MUCL1: variants seen among roughly 807,000 people sequenced by gnomAD.
MUCL1 encodes the protein mucin-like protein 1.
A neutral mutation model predicts 9.2 loss-of-function variants in MUCL1; 11 were observed. The ratio of observed to expected loss-of-function variants is 1.19; its 90% CI spans 0.75 to 1.97. The LOEUF is 1.97. MUCL1 is among the 30% of genes most tolerant of loss of function. MUCL1 has a pLI of 0.00. For synonymous variants in MUCL1, 48 were observed against 40.5 expected (o/e 1.19, Z -0.71); for missense variants, 144 against 110.9 (o/e 1.30, Z -1.34).
At chr12:54,851,449 A>T (rs1210377649), upstream of MUCL1, among the ~76,000 whole-genome samples, 1 of 152,198 alleles carries the variant, frequency 6.6e-6, no homozygotes, top group Non-Finnish European at 1.5e-5. Flanking sequence ...CCTTTGACAA[A>T]ATTCAACAAC....
intron 3 of MUCL1, among the ~76,000 whole-genome samples, 188 bp from the exon 4 acceptor site, chr12:54,858,005 A>G (rs1381749572): frequency 2.0e-5 from 3 of 152,170 alleles, no homozygotes; most frequent in Non-Finnish European, 2.9e-5. Flanking sequence ...GTCTAAGGCT[A>G]TATTTCCAAA....
chr12:54,846,913 G>A (rs1472718270), intron 1 of MUCL1, among the ~76,000 whole-genome samples: 1 of 152,066 alleles, frequency 6.6e-6, no homozygotes, highest in African/African-American at 2.4e-5. Flanking sequence ...GATCTTCCAG[G>A]CAATAAAACA....
chr12:54,845,651 C>A (rs544106075), intron 1 of MUCL1, among the ~76,000 whole-genome samples: 1 of 152,044 alleles, frequency 6.6e-6, no homozygotes, highest in Non-Finnish European at 1.5e-5. Context: ...GGTTATGTGA[C>A]CTGCAACTTG....
At chr12:54,833,479 T>A (rs1233484760) in intron 1 of MUCL1, among the ~76,000 whole-genome samples, 1 of 152,168 alleles carries the variant, frequency 6.6e-6, no homozygotes, top group East Asian at 1.9e-4. Flanking sequence ...CTAATTGTTT[T>A]AATTTTTTTC....
Position 54,854,628 on chromosome 12 carries a change from C to T in MUCL1, c.46C>T (p.Leu16=), listed in dbSNP as rs201867480. ...VLVLLGVSIF[L]VSAQNPTTAA... is the part of the protein sequence containing the mutation. ...GGTACTCTTGGGAGTTTCCATCTTT[C>T]TGGTCTCTGCCCGTAAGTAAAGATT... Residue 16 remains leucine, a synonymous_variant, in exon 1 of 4, where the codon CTG becomes TTG. Transcript: ENST00000308796. 1.8e-4 allele frequency: 297 copies of T among 1,613,244 alleles called. No homozygotes were observed. The highest frequency in any genetic ancestry group is 2.4e-4 in the Non-Finnish European group (283 of 1,179,432).
At chr12:54,842,871 G>A (rs995153257) in intron 1 of MUCL1, among the ~76,000 whole-genome samples, 1 of 151,940 alleles carries the variant, frequency 6.6e-6, no homozygotes, top group Non-Finnish European at 1.5e-5. Context: ...CAGTGCTTTG[G>A]TCAGCAACAG....
At chr12:54,837,235 G>C (rs1959194239), upstream of MUCL1, among the ~76,000 whole-genome samples, 1 of 152,098 alleles carries the variant, frequency 6.6e-6, no homozygotes, top group Non-Finnish European at 1.5e-5. Flanking sequence ...AGGTTTAGTA[G>C]TAATTGTTTT....
At chr12:54,833,368 A>G (rs1407377291) in intron 1 of MUCL1, among the ~76,000 whole-genome samples, 2 of 152,070 alleles carry the variant, frequency 1.3e-5, no homozygotes, top group African/African-American at 2.4e-5. Context: ...AGTTTTTTGT[A>G]TAGATGAGAT....
In MUCL1 at chr12:54,854,518, C is replaced by A; in HGVS notation, c.-65C>A. 7.6e-7 allele frequency: 1 copy of A among 1,320,836 alleles called. No individual in the cohort carries two copies. The highest frequency in any genetic ancestry group is 2.3e-5 in the East Asian group (1 of 43,112). The allele number at this position is 1,320,836 out of a possible 1,614,324, so 81.8% of individuals were successfully genotyped here. On this transcript the variant is annotated 5_prime_UTR_variant, in exon 1 of 4. Transcript: ENST00000308796. ...TCAGGATGTGGAATCCTGAAGTCAG[C>A]GCCTTGCCTTCTCTTAGGCTTTGAA...
chr12:54,856,680 A>G, intron 2 of MUCL1, 90 bp from the exon 3 acceptor site: 1 of 1,498,330 alleles, frequency 6.7e-7, no homozygotes. Flanking sequence ...AGATGAATTC[A>G]GGATGAGGAA....
chr12:54,852,815 A>G (rs1301819840), upstream of MUCL1, among the ~76,000 whole-genome samples: 1 of 152,126 alleles, frequency 6.6e-6, no homozygotes, highest in Non-Finnish European at 1.5e-5. Context: ...ATCAGATAGT[A>G]TCTGTCTTTT....
intron 2 of MUCL1, among the ~76,000 whole-genome samples, 154 bp from the exon 3 acceptor site, chr12:54,856,616 A>G (rs997291410): frequency 2.0e-5 from 3 of 152,216 alleles, no homozygotes; most frequent in Non-Finnish European, 2.9e-5. Flanking sequence ...ATGAAGCACA[A>G]GGAAAGTAGG....
Position 54,856,787 on chromosome 12 carries a change from GA to G in MUCL1, c.120del (p.Ala41ProfsTer56), listed in dbSNP as rs1273357948. The G allele has an allele frequency of 3.7e-6, 6 of 1,612,714 alleles. No homozygotes were observed. The Admixed American group carries it at 1.0e-4, about 27-fold the overall frequency. On this transcript the variant is annotated frameshift_variant, in exon 3 of 4. Transcript: ENST00000308796. LOFTEE classifies it high-confidence loss of function. The stretch of plus-strand genomic sequence containing the variant: ...AATTTCAGCTGGTCCTGCTGATGAT[GA>G]AGCCCCTGATGCTGAAACCACTGCT... ...TYPATGPADD[E>X]APDAETTAAA...
chr12:54,845,759 C>G, intron 1 of MUCL1, among the ~76,000 whole-genome samples: 1 of 152,104 alleles, frequency 6.6e-6, no homozygotes, highest in East Asian at 1.9e-4. Flanking sequence ...AATTTCTGTA[C>G]TGCTAAATAT....
chr12:54,845,864 C>T (rs563204989), intron 1 of MUCL1, among the ~76,000 whole-genome samples: 1 of 152,136 alleles, frequency 6.6e-6, no homozygotes, highest in Non-Finnish European at 1.5e-5. Flanking sequence ...TCTTTCTCCT[C>T]TAAAAGTGTT....
chr12:54,855,033 G>A, intron 1 of MUCL1, 83 bp from the exon 2 acceptor site: 1 of 1,193,764 alleles, frequency 8.4e-7, no homozygotes, highest in Non-Finnish European at 1.2e-6. Context: ...GTAAAGTCTG[G>A]AATATTGTCC....
upstream of MUCL1, among the ~76,000 whole-genome samples, chr12:54,849,717 C>G (rs1036245696): frequency 6.6e-5 from 10 of 151,966 alleles, no homozygotes; most frequent in Admixed American, 6.6e-4. Context: ...ATATATAATG[C>G]TGTTCATTTT....
At chr12:54,851,783 C>G (rs1011481517), upstream of MUCL1, among the ~76,000 whole-genome samples, 28 of 152,274 alleles carry the variant, frequency 1.8e-4, no homozygotes, top group African/African-American at 6.7e-4. Context: ...CCCAAATCTC[C>G]TTAAGCTGAT....
chr12:54,835,448 T>C (rs897213310), upstream of MUCL1, among the ~76,000 whole-genome samples: 8 of 152,140 alleles, frequency 5.3e-5, no homozygotes, highest in African/African-American at 1.7e-4. Context: ...ATAATGGCCA[T>C]TTTGGCTGGG....
Sources: gnomAD v4.1 joint callset for allele counts (sites outside exome capture counted in the v4.1 genomes callset) on GRCh38, gnomAD v4.1.1 for gene constraint, MANE v1.5 for transcripts, NCBI Gene and HGNC (gene_info 2026-07-23, HGNC 2026-07-21) for gene names.